Variants in ACSL6 observed in about 807,000 individuals in gnomAD.
The protein encoded by ACSL6 is long-chain-fatty-acid--CoA ligase 6.
In ACSL6, 47 loss-of-function variants were observed where a neutral mutation model predicts 98.2. The observed-to-expected ratio is 0.48, with a 90% CI of 0.38 to 0.61. The LOEUF (loss-of-function observed/expected upper bound fraction) is 0.61. ACSL6 is among the 20% of genes least tolerant of loss of function. The probability of loss-of-function intolerance (pLI) is 0.00; values close to 1 mark genes in which losing one functional copy is unlikely to be tolerated. For synonymous variants in ACSL6, 362 were observed against 336.9 expected (o/e 1.07, Z -0.82); for missense variants, 761 against 913.4 (o/e 0.83, Z 2.15).
At chr5:131,966,378 C>A (rs1048332017) in intron 17 of ACSL6, 38 bp downstream of exon 17, 2 of 1,604,426 alleles carry the variant, frequency 1.2e-6, no homozygotes, top group Non-Finnish European at 1.7e-6. Flanking sequence ...CCTCCCACTG[C>A]CAAATGTTTG....
rs1753634515 is a variant in ACSL6, at chr5:131,976,642, A to T, written c.990+6T>A. Reference sequence around the variant, plus strand: ...ACACCTGCAACAGTAATGCTACTTTATTCACCTCTGTCACTTTCAGAAAGC... The same window carrying T: ...ACACCTGCAACAGTAATGCTACTTTTTTCACCTCTGTCACTTTCAGAAAGC... On this transcript the variant is annotated splice_donor_region_variant and intron_variant, in intron 10 of 20. Coordinates refer to ENST00000651883, the MANE Select transcript of ACSL6 (RefSeq NM_001009185.3). 3 of 1,613,060 alleles carry T rather than the reference A, an allele frequency of 1.9e-6. No individual in the cohort carries two copies. The highest frequency in any genetic ancestry group is 2.5e-6 in the Non-Finnish European group (3 of 1,179,108).
chr5:131,982,300 C>T (rs972558796), intron 9 of ACSL6: 4 of 151,010 alleles, frequency 2.6e-5, no homozygotes, highest in African/African-American at 9.7e-5. Context: ...CCCGCCACTA[C>T]GCCCGGCTAA....
intron 20 of ACSL6, among the ~76,000 whole-genome samples, chr5:131,958,951 A>C (rs951013027): frequency 5.9e-5 from 9 of 152,178 alleles, no homozygotes; most frequent in African/African-American, 1.2e-4. Flanking sequence ...AATTTTTGAC[A>C]AAAGGGGATG....
At chr5:132,009,862 TGCA>T (rs1007989214) in intron 1 of ACSL6, among the ~76,000 whole-genome samples, 7 of 152,224 alleles carry the variant, frequency 4.6e-5, no homozygotes, top group African/African-American at 1.7e-4. Context: ...CAAGTGGTCT[TGCA>T]GCCCCTAGAC....
upstream of ACSL6, chr5:132,011,953 G>A (rs766958367): frequency 7.1e-6 from 11 of 1,541,556 alleles, no homozygotes; most frequent in Non-Finnish European, 8.7e-6. This position sits in a 1 kb window ranked among gnomAD's most constrained non-coding sequence, Gnocchi z 5.4. Flanking sequence ...GGGAGCACGG[G>A]CGACGAGCGC....
At chr5:131,963,450 C>T (rs1217453971) in intron 17 of ACSL6, among the ~76,000 whole-genome samples, 2 of 152,228 alleles carry the variant, frequency 1.3e-5, no homozygotes, top group Admixed American at 1.3e-4. Context: ...AAGCTTCCAG[C>T]TCTTCACTGA....
At chr5:132,006,450 C>G (rs536622321) in intron 1 of ACSL6, 1 of 152,424 alleles carries the variant, frequency 6.6e-6, no homozygotes, top group East Asian at 1.9e-4. Context: ...GAAGGACAAC[C>G]CCAAGGGCTC....
At chr5:131,981,125 C>T (rs1445074306) in intron 9 of ACSL6, among the ~76,000 whole-genome samples, 1 of 152,072 alleles carries the variant, frequency 6.6e-6, no homozygotes, top group Non-Finnish European at 1.5e-5. Context: ...TGGAGACCTC[C>T]TTTCTCCCCC....
At chr5:131,988,363 G>C in intron 6 of ACSL6, 137 bp from the exon 7 acceptor site, 1 of 1,296,132 alleles carries the variant, frequency 7.7e-7, no homozygotes, top group East Asian at 2.3e-5. Context: ...AAATACATAA[G>C]ACAGGCCTCG....
At chr5:131,971,907 T>C (rs1554112607) in intron 13 of ACSL6, among the ~76,000 whole-genome samples, 3 of 152,228 alleles carry the variant, frequency 2.0e-5, no homozygotes, top group Non-Finnish European at 2.9e-5. Context: ...ACCATCAGTC[T>C]GGGTGGCATT....
chr5:131,993,374 G>A (rs1248983340), intron 2 of ACSL6: 1 of 154,522 alleles, frequency 6.5e-6, no homozygotes, highest in Admixed American at 6.3e-5. Context: ...AAGAGAACTG[G>A]GAGAGCAAGG....
intron 15 of ACSL6, among the ~76,000 whole-genome samples, chr5:131,969,803 A>G (rs897537774): frequency 2.0e-5 from 3 of 152,156 alleles, no homozygotes; most frequent in Admixed American, 6.5e-5. Flanking sequence ...AACAGCTCTC[A>G]TCCACACCCT....
chr5:131,972,256 G>A (rs919471235), intron 13 of ACSL6, among the ~76,000 whole-genome samples: 2 of 152,122 alleles, frequency 1.3e-5, no homozygotes, highest in East Asian at 1.9e-4. Flanking sequence ...TTTTGAGGAG[G>A]TACAGAAATG....
intron 8 of ACSL6, among the ~76,000 whole-genome samples, chr5:131,985,697 A>G (rs1172863162): frequency 6.6e-6 from 1 of 152,184 alleles, no homozygotes; most frequent in African/African-American, 2.4e-5. Context: ...AATCTGTCCC[A>G]CCAACCTCAC....
At chr5:131,985,487 G>C in intron 8 of ACSL6, 29 bp from the exon 9 acceptor site, 2 of 1,612,862 alleles carry the variant, frequency 1.2e-6, no homozygotes, top group Non-Finnish European at 1.7e-6. Context: ...GAGTGTGTTA[G>C]GGAGACCCAG....
rs762658082 is a variant in ACSL6, at chr5:131,970,234, A to T, written c.1435-34T>A. ...AAAACACAGAAGCCACACTATGGGC[A>T]CACACCCTCCAAGAGCTAACTGGCC... is the stretch of plus-strand genomic sequence containing the variant. On this transcript the variant is annotated intron_variant, in intron 14 of 20. Transcript: ENST00000651883. 3 of 1,606,884 alleles carry T rather than the reference A, an allele frequency of 1.9e-6. No individual in the cohort carries two copies. The South Asian group carries it at 3.3e-5, about 18-fold the overall frequency.
Position 131,988,337 on chromosome 5 carries a change from T to C in ACSL6, c.653-111A>G, listed in dbSNP as rs1754310459. 4 of 1,369,986 alleles carry C rather than the reference T, an allele frequency of 2.9e-6. No individual in the cohort carries two copies. In the Admixed American group the frequency reaches 7.7e-5, roughly 26 times the overall value. The allele number at this position is 1,369,986 out of a possible 1,614,324, so 84.9% of individuals were successfully genotyped here. ...AGCACTTCCATGGTCTGTGTGCCCA[T>C]AGCTTATGTGTAAATAAATACATAA... On this transcript the variant is annotated intron_variant, in intron 6 of 20. Coordinates refer to ENST00000651883, the MANE Select transcript of ACSL6 (RefSeq NM_001009185.3).
intron 5 of ACSL6, 88 bp downstream of exon 5, chr5:131,989,319 C>A (rs967566493): frequency 6.4e-6 from 8 of 1,254,826 alleles, no homozygotes; most frequent in Non-Finnish European, 9.1e-6. Context: ...TTGTCCTGGG[C>A]CCTACAAACA....
rs1752279410 is a variant in ACSL6 at position 131,954,175 on chromosome 5, A to G, written c.*59T>C. On this transcript the variant is annotated 3_prime_UTR_variant, in exon 21 of 21. Transcript: ENST00000651883. The stretch of plus-strand genomic sequence containing the variant: ...TGTGTCATTTTGACTCATTACTTTC[A>G]AGAATAACTATAATATTGCTAGACA... The G allele has an allele frequency of 6.8e-7, 1 of 1,475,264 alleles. No individual in the cohort carries two copies. Among genetic ancestry groups the G allele is most frequent in the South Asian group, 1.5e-5 (1 of 65,652 alleles). 91.4% of individuals were successfully genotyped at this position (1,475,264 alleles called of 1,614,324 possible).
Sources: gnomAD v4.1 joint callset for allele counts (sites outside exome capture counted in the v4.1 genomes callset) on GRCh38, gnomAD v4.1.1 for gene constraint, Gnocchi (gnomAD v3.1) non-coding constraint, MANE v1.5 for transcripts, NCBI Gene and HGNC (gene_info 2026-07-23, HGNC 2026-07-21) for gene names.